RASGRP2: variants seen among roughly 807,000 people sequenced by gnomAD.
RASGRP2 encodes RAS guanyl releasing protein 2.
A neutral mutation model predicts 71.0 loss-of-function variants in RASGRP2; 44 were observed. The ratio of observed to expected loss-of-function variants is 0.62; its 90% CI spans 0.49 to 0.80. The LOEUF is 0.80. RASGRP2 is among the 30% of genes least tolerant of loss of function. The probability of loss-of-function intolerance (pLI) is 0.00; values close to 1 mark genes in which losing one functional copy is unlikely to be tolerated. For missense variants in RASGRP2, 663 were observed against 813.4 expected (o/e 0.82, Z 2.25); for synonymous variants, 350 against 330.7 (o/e 1.06, Z -0.63).
intron 8 of RASGRP2, chr11:64,737,305 C>A: frequency 2.0e-6 from 1 of 503,740 alleles, no homozygotes; most frequent in Non-Finnish European, 3.6e-6. Context: ...GAAACAGAGG[C>A]TCAGGGAGGC....
intron 5 of RASGRP2, chr11:64,740,742 T>C (rs529292486): frequency 2.5e-5 from 18 of 707,960 alleles, no homozygotes; most frequent in African/African-American, 1.2e-4. Context: ...GGAGGAGGTG[T>C]GTGGGATGGG....
chr11:64,727,348 T>C lies in RASGRP2; in HGVS notation c.1784A>G (p.Glu595Gly). The part of the protein sequence containing the change: ...RGSRPPEIRE[E>G]EVQTVEDGVF... Reference sequence around the variant, plus strand: ...CCCATCCTCCACCGTCTGTACCTCCTCCTCACGGATCTCTGCTGGGAGGGG... The same window carrying C: ...CCCATCCTCCACCGTCTGTACCTCCCCCTCACGGATCTCTGCTGGGAGGGG... Residue 595 changes from glutamate (E) to glycine (G), a missense_variant, in exon 16 of 17, where the codon GAG (glutamate) becomes GGG (glycine). Coordinates refer to ENST00000394432, the MANE Select transcript of RASGRP2 (RefSeq NM_001098671.2). The C allele has an allele frequency of 6.2e-7, 1 of 1,613,764 alleles. No individual in the cohort carries two copies. The highest frequency in any genetic ancestry group is 1.1e-5 in the South Asian group (1 of 91,072).
In RASGRP2 at chr11:64,742,578, G is replaced by A; in HGVS notation, c.73+216C>T. ...GGGACCCGGCCCTCCCTTCGCCGCC[G>A]CTGGGGAAGGCTAGAGAAGGGAAAC... On this transcript the variant is annotated intron_variant, in intron 2 of 16. Coordinates refer to ENST00000394432, the MANE Select transcript of RASGRP2 (RefSeq NM_001098671.2). The surrounding 1 kb of genome is among the most constrained non-coding windows in gnomAD (Gnocchi z 4.7). 1 of 654,944 alleles carries A rather than the reference G, an allele frequency of 1.5e-6. No individual in the cohort carries two copies. Among genetic ancestry groups the A allele is most frequent in the Non-Finnish European group, 2.6e-6 (1 of 383,552 alleles). 40.6% of individuals were successfully genotyped at this position (654,944 alleles called of 1,614,324 possible). A position where few individuals can be genotyped will look rare whatever the true frequency, so the allele number is the denominator to read the frequency against.
chr11:64,735,429 C>A lies in RASGRP2; in HGVS notation c.1296+113G>T. On this transcript the variant is annotated intron_variant, in intron 11 of 16. Coordinates refer to ENST00000394432, the MANE Select transcript of RASGRP2 (RefSeq NM_001098671.2). The surrounding 1 kb of genome is among the most constrained non-coding windows in gnomAD (Gnocchi z 4.2). ...GCAGCTGGCCTGCCAGGCCCTGTGA[C>A]TCCTAGGGGCTGAGTGCTGGGTCTT... The A allele has an allele frequency of 1.3e-6, 2 of 1,579,548 alleles. No homozygotes were observed. The highest frequency in any genetic ancestry group is 1.7e-6 in the Non-Finnish European group (2 of 1,156,974).
At position 64,735,438 on chromosome 11, in the gene RASGRP2, G is replaced by T. The variant is rs2057899881; in HGVS notation, c.1296+104C>A. ...CTGCCAGGCCCTGTGACTCCTAGGG[G>T]CTGAGTGCTGGGTCTTGAACAGGAC... On this transcript the variant is annotated intron_variant, in intron 11 of 16. Transcript: ENST00000394432. The surrounding 1 kb of genome is among the most constrained non-coding windows in gnomAD (Gnocchi z 4.2). 1 of 1,588,102 alleles carries T rather than the reference G, an allele frequency of 6.3e-7. No individual in the cohort carries two copies. The highest frequency in any genetic ancestry group is 1.7e-5 in the Admixed American group (1 of 59,996).
At position 64,743,963 on chromosome 11, in the gene RASGRP2, C is replaced by G. The variant is rs890536924; in HGVS notation, c.-72+40G>C. ...TCTCACACACAATGGCACCCACACC[C>G]TGTGCACACCTGCACGAAGAAACCC... On this transcript the variant is annotated intron_variant, in intron 1 of 16. Transcript: ENST00000394432. The surrounding 1 kb of genome is among the most constrained non-coding windows in gnomAD (Gnocchi z 4.9). The G allele has an allele frequency of 3.0e-5, 30 of 992,016 alleles. No individual in the cohort carries two copies. The highest frequency in any genetic ancestry group is 3.5e-5 in the Non-Finnish European group (29 of 832,480). 61.5% of individuals were successfully genotyped at this position (992,016 alleles called of 1,614,324 possible).
intron 14 of RASGRP2, among the ~76,000 whole-genome samples, chr11:64,729,511 A>G (rs1001337385): frequency 1.3e-5 from 2 of 151,652 alleles, no homozygotes; most frequent in East Asian, 3.9e-4. Context: ...TACTTTTTGT[A>G]TTTTTAGTAG....
At chr11:64,731,184 G>A (rs1269414383) in intron 12 of RASGRP2, among the ~76,000 whole-genome samples, 8 of 152,172 alleles carry the variant, frequency 5.3e-5, no homozygotes, top group East Asian at 1.9e-4. Context: ...GCAAAGCCCC[G>A]TCTCTACTAA....
At chr11:64,741,365 C>G (rs2058115265) in intron 4 of RASGRP2, 74 bp downstream of exon 4, 1 of 1,447,078 alleles carries the variant, frequency 6.9e-7, no homozygotes, top group Non-Finnish European at 9.5e-7. Context: ...CGCCCTGCCC[C>G]CTCCTCCAGG....
Position 64,742,555 on chromosome 11 carries a change from GA to G in RASGRP2, c.73+238del. On this transcript the variant is annotated intron_variant, in intron 2 of 16. Coordinates refer to ENST00000394432, the MANE Select transcript of RASGRP2 (RefSeq NM_001098671.2). This position sits in a 1 kb window ranked among gnomAD's most constrained non-coding sequence, Gnocchi z 4.7. ...ATGCCCCTCAAGTGTCAGAGTCCGG[GA>G]CCCGGCCCTCCCTTCGCCGCCGCTG... The G allele has an allele frequency of 1.6e-6, 1 of 610,010 alleles. No homozygotes were observed. The highest frequency in any genetic ancestry group is 2.9e-6 in the Non-Finnish European group (1 of 344,750). 37.8% of individuals were successfully genotyped at this position (610,010 alleles called of 1,614,324 possible).
intron 12 of RASGRP2, among the ~76,000 whole-genome samples, chr11:64,733,327 G>A (rs573267720): frequency 1.9e-4 from 29 of 151,658 alleles, no homozygotes; most frequent in East Asian, 9.7e-4. Context: ...CCTGGGAGCC[G>A]GTGCTGGTCT....
intron 12 of RASGRP2, among the ~76,000 whole-genome samples, chr11:64,733,502 C>T (rs2057830746): frequency 6.6e-6 from 1 of 151,930 alleles, no homozygotes; most frequent in Non-Finnish European, 1.5e-5. Flanking sequence ...GAAGCTGAGG[C>T]CTCCATCGTC....
intron 5 of RASGRP2, chr11:64,740,592 C>CA (rs1222816141): frequency 1.5e-6 from 1 of 664,630 alleles, no homozygotes. Context: ...CCCGAACCCT[C>CA]AGAGCCCACG....
chr11:64,738,602 G>C (rs2058022122), intron 8 of RASGRP2, among the ~76,000 whole-genome samples: 1 of 151,928 alleles, frequency 6.6e-6, no homozygotes, highest in Non-Finnish European at 1.5e-5. Context: ...ACCATGCCTG[G>C]CTAATTTTTG....
Position 64,739,701 on chromosome 11 carries a change from T to C in RASGRP2, c.631A>G (p.Ile211Val). 6.2e-7 allele frequency: 1 copy of C among 1,613,826 alleles called. No homozygotes were observed. The highest frequency in any genetic ancestry group is 8.5e-7 in the Non-Finnish European group (1 of 1,179,916). Residue 211 changes from isoleucine (I) to valine (V), a missense_variant, in exon 7 of 17, where the codon ATC becomes GTC. Ile to Val is a conservative substitution (Grantham distance 29, BLOSUM62 3). Transcript: ENST00000394432. This position sits in a 1 kb window ranked among gnomAD's most constrained non-coding sequence, Gnocchi z 4.2. ...NSVSQWVQLM[I>V]LSKPTAPQRA... ...TGCGGGGCTGTGGGTTTGCTGAGGA[T>C]CATGAGCTGCACCCACTGTGAGACG...
rs895239141 is a variant in RASGRP2, at chr11:64,739,281, T to C, written c.813+79A>G. 4 of 1,086,960 alleles carry C rather than the reference T, an allele frequency of 3.7e-6. No homozygotes were observed. The highest frequency in any genetic ancestry group is 3.1e-5 in the African/African-American group (2 of 64,666). 67.3% of individuals were successfully genotyped at this position (1,086,960 alleles called of 1,614,324 possible). Reference sequence around the variant, plus strand: ...CATATCTATCAAATGAGGACAGCTGTGCCCAGCCCCCAGTGCTGCTGGGAG... The same window carrying C: ...CATATCTATCAAATGAGGACAGCTGCGCCCAGCCCCCAGTGCTGCTGGGAG... On this transcript the variant is annotated intron_variant, in intron 8 of 16. Transcript: ENST00000394432. This position sits in a 1 kb window ranked among gnomAD's most constrained non-coding sequence, Gnocchi z 4.2.
In RASGRP2 at chr11:64,735,724, G is replaced by T; in HGVS notation, c.1174-60C>A. On this transcript the variant is annotated intron_variant, in intron 10 of 16. Coordinates refer to ENST00000394432, the MANE Select transcript of RASGRP2 (RefSeq NM_001098671.2). This position sits in a 1 kb window ranked among gnomAD's most constrained non-coding sequence, Gnocchi z 4.2. ...GGCAGGGGAAGCCCAGAGCCCCGGG[G>T]AACAGAGAGGGGAATCCCTGGGAGA... The T allele has an allele frequency of 3.8e-6, 6 of 1,566,624 alleles. No individual in the cohort carries two copies. The East Asian group carries it at 6.9e-5, about 18-fold the overall frequency.
Position 64,739,566 on chromosome 11 carries a change from G to A in RASGRP2, c.696+70C>T, listed in dbSNP as rs1274305012. ...TATCTAGAGAGAAGGCAGTGGGTTA[G>A]GGGAAGGGAAGGGTTGGCCTGACTG... On this transcript the variant is annotated intron_variant, in intron 7 of 16. Transcript: ENST00000394432. The surrounding 1 kb of genome is among the most constrained non-coding windows in gnomAD (Gnocchi z 4.2). 3.7e-6 allele frequency: 6 copies of A among 1,611,574 alleles called. No individual in the cohort carries two copies. The highest frequency in any genetic ancestry group is 4.2e-6 in the Non-Finnish European group (5 of 1,177,894).
At position 64,735,698 on chromosome 11, in the gene RASGRP2, A is replaced by G; in HGVS notation, c.1174-34T>C. On this transcript the variant is annotated intron_variant, in intron 10 of 16. Coordinates refer to ENST00000394432, the MANE Select transcript of RASGRP2 (RefSeq NM_001098671.2). The surrounding 1 kb of genome is among the most constrained non-coding windows in gnomAD (Gnocchi z 4.2). Reference sequence around the variant, plus strand: ...ATGGTCGGGCCTGAGCTAGGGCCAGAGGCAGGGGAAGCCCAGAGCCCCGGG... The same window carrying G: ...ATGGTCGGGCCTGAGCTAGGGCCAGGGGCAGGGGAAGCCCAGAGCCCCGGG... The G allele has an allele frequency of 2.5e-6, 4 of 1,591,908 alleles. No individual in the cohort carries two copies. The highest frequency in any genetic ancestry group is 3.4e-6 in the Non-Finnish European group (4 of 1,170,750).
Sources: gnomAD v4.1 joint callset for allele counts (sites outside exome capture counted in the v4.1 genomes callset) on GRCh38, gnomAD v4.1.1 for gene constraint, Gnocchi (gnomAD v3.1) non-coding constraint, MANE v1.5 for transcripts, NCBI Gene and HGNC (gene_info 2026-07-23, HGNC 2026-07-21) for gene names.